Variants in KCNH8 observed in about 807,000 individuals in gnomAD.
KCNH8 encodes potassium voltage-gated channel subfamily H member 8, also known as voltage-gated delayed rectifier potassium channel KCNH8.
KCNH8 carries 70 observed loss-of-function variants against 103.6 expected under a neutral mutation model. The ratio of observed to expected loss-of-function variants is 0.68; its 90% confidence interval spans 0.56 to 0.82. The LOEUF is 0.82. Among genes scored for constraint, KCNH8 ranks in the 40% least tolerant of loss-of-function variants. The probability of loss-of-function intolerance (pLI) is 0.00; values close to 1 mark genes in which losing one functional copy is unlikely to be tolerated. For missense variants in KCNH8, 1,217 were observed against 1,329.9 expected (o/e 0.92, Z 1.32); for synonymous variants, 498 against 489.4 (o/e 1.02, Z -0.23).
rs567343313 is a variant in KCNH8, at chr3:19,467,242, AATATCCTG to A, written c.2040+10262_2040+10269del. On this transcript the variant is annotated intron_variant, in intron 11 of 15. Coordinates refer to ENST00000328405, the MANE Select transcript of KCNH8 (RefSeq NM_144633.3). ...TTCCAATTAAAAATATACATGTTAA[AATATCCTG>A]AGGGAAATATAGTGGCCCTTGTCTC... is the stretch of plus-strand genomic sequence containing the variant. 3.3e-3 allele frequency among the ~76,000 whole-genome samples: 500 copies of A among 152,122 alleles called. 1 individual carries two copies. Among genetic ancestry groups the A allele is most frequent in the Non-Finnish European group, 5.2e-3 (356 of 67,978 alleles).
intron 1 of KCNH8, among the ~76,000 whole-genome samples, chr3:19,152,264 A>G (rs1474281964): frequency 6.6e-6 from 1 of 152,186 alleles, no homozygotes; most frequent in Non-Finnish European, 1.5e-5. Context: ...ATTGGTATAT[A>G]TTTGAAAAAA....
At chr3:19,528,379 C>T (rs929813597) in intron 15 of KCNH8, among the ~76,000 whole-genome samples, 1 of 151,886 alleles carries the variant, frequency 6.6e-6, no homozygotes, top group African/African-American at 2.4e-5. Context: ...ATTAAAACTA[C>T]CCATGGAAAT....
intron 11 of KCNH8, among the ~76,000 whole-genome samples, chr3:19,487,447 AG>A (rs1483253831): frequency 1.3e-5 from 2 of 152,144 alleles, no homozygotes; most frequent in Non-Finnish European, 2.9e-5. Flanking sequence ...GAGACTGGCA[AG>A]GAACTATAGT....
intron 15 of KCNH8, among the ~76,000 whole-genome samples, chr3:19,524,425 T>A (rs1199528962): frequency 1.3e-5 from 2 of 151,940 alleles, no homozygotes; most frequent in African/African-American, 4.8e-5. Context: ...CTACGTTTTG[T>A]GGACATAGGC....
intron 11 of KCNH8, among the ~76,000 whole-genome samples, chr3:19,478,615 A>G (rs1050106694): frequency 4.6e-5 from 7 of 152,170 alleles, no homozygotes; most frequent in African/African-American, 1.7e-4. Flanking sequence ...TAAATGTAAC[A>G]CAAGCCAAAT....
intron 1 of KCNH8, among the ~76,000 whole-genome samples, chr3:19,229,725 A>G (rs1337792129): frequency 6.6e-6 from 1 of 152,174 alleles, no homozygotes; most frequent in Non-Finnish European, 1.5e-5. Context: ...TATTGTTCAT[A>G]TCACTATCAG....
At chr3:19,242,432 T>G (rs1343019528) in intron 1 of KCNH8, among the ~76,000 whole-genome samples, 2 of 152,186 alleles carry the variant, frequency 1.3e-5, no homozygotes, top group East Asian at 3.8e-4. Flanking sequence ...TGAGGTTATG[T>G]ATTGACCTTT....
At chr3:19,463,380 G>T (rs1480848637) in intron 11 of KCNH8, among the ~76,000 whole-genome samples, 1 of 151,992 alleles carries the variant, frequency 6.6e-6, no homozygotes, top group Non-Finnish European at 1.5e-5. Context: ...CAAAATGGAA[G>T]AATATATCCA....
chr3:19,410,188 A>T (rs973962820), intron 7 of KCNH8, among the ~76,000 whole-genome samples: 5 of 152,136 alleles, frequency 3.3e-5, no homozygotes, highest in Non-Finnish European at 7.4e-5. Context: ...AAATCATACA[A>T]ACTATAGTCT....
chr3:19,295,334 A>T (rs7639970), intron 3 of KCNH8, among the ~76,000 whole-genome samples: 16,548 of 151,902 alleles, frequency 0.11, 2,835 homozygotes, highest in African/African-American at 0.36. Flanking sequence ...CAGTGAGCTG[A>T]TAGCATGCCA....
At chr3:19,227,060 A>G (rs558038883) in intron 1 of KCNH8, among the ~76,000 whole-genome samples, 52 of 152,262 alleles carry the variant, frequency 3.4e-4, no homozygotes, top group African/African-American at 1.2e-3. Context: ...CATTGCAATC[A>G]CTGGAATTTA....
chr3:19,329,713 G>A (rs1207872115), intron 3 of KCNH8, among the ~76,000 whole-genome samples: 2 of 152,132 alleles, frequency 1.3e-5, no homozygotes, highest in African/African-American at 2.4e-5. Context: ...CATGGTTGAT[G>A]TTAGGGATAG....
intron 7 of KCNH8, among the ~76,000 whole-genome samples, chr3:19,424,573 C>T (rs1478857588): frequency 6.6e-6 from 1 of 152,012 alleles, no homozygotes; most frequent in Admixed American, 6.6e-5. Flanking sequence ...TGACCAAGAA[C>T]TCAAAAGCAA....
chr3:19,311,953 A>T (rs563643241), intron 3 of KCNH8, among the ~76,000 whole-genome samples: 1 of 152,042 alleles, frequency 6.6e-6, no homozygotes, highest in South Asian at 2.1e-4. Flanking sequence ...ATCCTAATTG[A>T]TATAAGGCTG....
chr3:19,266,497 C>T lies in KCNH8; in HGVS notation c.310+12610C>T, dbSNP rs563571499. 9.2e-5 allele frequency among the ~76,000 whole-genome samples: 14 copies of T among 152,216 alleles called. No individual in the cohort carries two copies. In the South Asian group the frequency reaches 2.9e-3, roughly 32 times the overall value. On this transcript the variant is annotated intron_variant, in intron 2 of 15. Coordinates refer to ENST00000328405, the MANE Select transcript of KCNH8 (RefSeq NM_144633.3). ...GGCTTTCAACTATGACCTTCTGTTT[C>T]ACACAGTGTTTCCATGTGTCACAGT...
intron 11 of KCNH8, among the ~76,000 whole-genome samples, chr3:19,476,129 G>A (rs1489499911): frequency 6.6e-6 from 1 of 152,106 alleles, no homozygotes; most frequent in Non-Finnish European, 1.5e-5. Context: ...TCATGTGGAG[G>A]ATGCATATCA....
chr3:19,195,176 A>G, intron 1 of KCNH8, among the ~76,000 whole-genome samples: 1 of 151,766 alleles, frequency 6.6e-6, no homozygotes, highest in Non-Finnish European at 1.5e-5. Flanking sequence ...CAGGAGTCTC[A>G]TAACCCCATT....
chr3:19,320,567 G>A (rs1049768139), intron 3 of KCNH8, among the ~76,000 whole-genome samples: 2 of 151,848 alleles, frequency 1.3e-5, no homozygotes, highest in African/African-American at 2.4e-5. Context: ...ATATGCTGTT[G>A]GGTTTGGGTC....
chr3:19,381,696 GA>G lies in KCNH8; in HGVS notation c.812-8777del, dbSNP rs200592360. Among the ~76,000 whole-genome samples, 69 of 151,256 alleles carry G rather than the reference GA, an allele frequency of 4.6e-4. 1 individual carries two copies. The East Asian group carries it at 0.011, about 23-fold the overall frequency. Reference sequence around the variant, plus strand: ...CACTACCACGAGAATTGCTAAAAGGGAAAAAAAAGAGAAAAAAATCAGAAAT... The same window carrying G: ...CACTACCACGAGAATTGCTAAAAGGGAAAAAAAGAGAAAAAAATCAGAAAT... On this transcript the variant is annotated intron_variant, in intron 5 of 15. Coordinates refer to ENST00000328405, the MANE Select transcript of KCNH8 (RefSeq NM_144633.3).
Sources: gnomAD v4.1 joint callset for allele counts (sites outside exome capture counted in the v4.1 genomes callset) on GRCh38, gnomAD v4.1.1 for gene constraint, MANE v1.5 for transcripts, NCBI Gene and HGNC (gene_info 2026-07-23, HGNC 2026-07-21) for gene names.